Variants in TRAFD1 observed in about 807,000 individuals in gnomAD.
TRAFD1 encodes the protein TRAF-type zinc finger domain-containing protein 1.
In TRAFD1, 38 loss-of-function variants were observed where a neutral mutation model predicts 65.3. That is an observed-to-expected ratio of 0.58 (90% confidence interval 0.45 to 0.76). The LOEUF is 0.76. TRAFD1 is among the 30% of genes least tolerant of loss of function. TRAFD1 has a pLI of 0.00. For missense variants in TRAFD1, 631 were observed against 712.6 expected, an observed-to-expected ratio of 0.89 and a Z score of 1.30; for synonymous variants, 223 against 257.2, an observed-to-expected ratio of 0.87 and a Z score of 1.27.
chr12:112,140,675 ATAAT>A (rs1399733856), intron 4 of TRAFD1, 140 bp from the exon 5 acceptor site: 1 of 999,616 alleles, frequency 1.0e-6, no homozygotes, highest in African/African-American at 1.6e-5. Flanking sequence ...TGACTCTTAA[ATAAT>A]TAAATACATT....
chr12:112,145,695 G>T, intron 7 of TRAFD1, 33 bp downstream of exon 7: 1 of 1,600,414 alleles, frequency 6.2e-7, no homozygotes, highest in South Asian at 1.1e-5. Context: ...ACTTTTAGTA[G>T]GATTGTATGC....
chr12:112,141,355 C>A, intron 5 of TRAFD1, 131 bp downstream of exon 5: 3 of 1,014,510 alleles, frequency 3.0e-6, no homozygotes, highest in Non-Finnish European at 2.8e-6. Context: ...GGGAAGAATA[C>A]CTCTCTTTCC....
chr12:112,150,814 C>T (rs116438910), intron 9 of TRAFD1, among the ~76,000 whole-genome samples: 2,200 of 152,096 alleles, frequency 0.014, 57 homozygotes, highest in African/African-American at 0.051. Flanking sequence ...CCTCCCAGCT[C>T]GGCCTCCCAA....
At chr12:112,133,255 A>G (rs2079575064) in intron 2 of TRAFD1, 1 of 152,180 alleles carries the variant, frequency 6.6e-6, no homozygotes, top group South Asian at 2.1e-4. Context: ...TTTACAGTGA[A>G]GTTTCTACCA....
intron 4 of TRAFD1, among the ~76,000 whole-genome samples, chr12:112,138,008 A>G (rs1206863589): frequency 6.6e-6 from 1 of 152,182 alleles, no homozygotes; most frequent in Non-Finnish European, 1.5e-5. Flanking sequence ...TGGGAGGCCA[A>G]GGCGAGAGCA....
rs2079561427 is a variant in TRAFD1, at chr12:112,130,321, C to T, written c.-12-190C>T. The T allele has an allele frequency of 2.5e-6, 1 of 404,352 alleles. No individual in the cohort carries two copies. Among genetic ancestry groups the T allele is most frequent in the African/African-American group, 2.1e-5 (1 of 48,210 alleles). The allele number at this position is 404,352 out of a possible 1,614,324, so 25.0% of individuals were successfully genotyped here. ...TTTTTATTTTTTAAAACTCCCTTAT[C>T]CAATAAAATTATTTTAAATTGAAAA... On this transcript the variant is annotated intron_variant, in intron 1 of 11. Coordinates refer to ENST00000412615, the MANE Select transcript of TRAFD1 (RefSeq NM_006700.3). This position sits in a 1 kb window ranked among gnomAD's most constrained non-coding sequence, Gnocchi z 4.4.
chr12:112,134,750 T>C lies in TRAFD1; in HGVS notation c.60T>C (p.Ile20=). The change falls in exon 3 of 12, where the codon ATT becomes ATC. Residue 20 remains isoleucine, a synonymous_variant. Coordinates refer to ENST00000412615, the MANE Select transcript of TRAFD1 (RefSeq NM_006700.3). The part of the protein sequence containing the change: ...TRLCDNCKKE[I]PVFNFTIHEI... ...TCTATTTCCGTAGCAAAAAAGAAAT[T>C]CCTGTGTTTAACTTTACCATCCATG... 6.2e-7 allele frequency: 1 copy of C among 1,611,576 alleles called. No individual in the cohort carries two copies. Among genetic ancestry groups the C allele is most frequent in the South Asian group, 1.1e-5 (1 of 91,040 alleles).
chr12:112,129,954 T>G (rs1185497572), intron 1 of TRAFD1, among the ~76,000 whole-genome samples: 1 of 150,470 alleles, frequency 6.6e-6, no homozygotes, highest in African/African-American at 2.4e-5. Flanking sequence ...GATGTTATTA[T>G]TATTATTATT....
intron 1 of TRAFD1, among the ~76,000 whole-genome samples, chr12:112,129,897 C>CTCCCTAAG (rs2079558920): frequency 6.6e-6 from 1 of 152,032 alleles, no homozygotes; most frequent in Admixed American, 6.6e-5. Context: ...CTGCCTCGGC[C>CTCCCTAAG]TCCCTAAGTC....
intron 4 of TRAFD1, among the ~76,000 whole-genome samples, chr12:112,135,664 C>T (rs1339474566): frequency 2.0e-5 from 3 of 151,980 alleles, no homozygotes; most frequent in African/African-American, 4.8e-5. Flanking sequence ...TCTTCAGCCT[C>T]CCAAAGTGCT....
In TRAFD1 at chr12:112,148,442, T is replaced by G. The variant is rs972810738; in HGVS notation, c.1158+138T>G. ...ACACACTTGGCTTCTGGCCAAGTCA[T>G]CTTTGTGAGCTGTCTGTGGTAACCA... On this transcript the variant is annotated intron_variant, in intron 8 of 11. Transcript: ENST00000412615. The G allele has an allele frequency of 5.6e-6, 4 of 718,074 alleles. No homozygotes were observed. In the African/African-American group the frequency reaches 7.1e-5, roughly 13 times the overall value. The allele number at this position is 718,074 out of a possible 1,614,324, so 44.5% of individuals were successfully genotyped here.
At position 112,136,003 on chromosome 12, in the gene TRAFD1, G is replaced by A. The variant is rs534521161; in HGVS notation, c.237+937G>A. On this transcript the variant is annotated intron_variant, in intron 4 of 11. Coordinates refer to ENST00000412615, the MANE Select transcript of TRAFD1 (RefSeq NM_006700.3). Reference sequence around the variant, plus strand: ...TTAAAAATACAACAATTAGCTGGGCGTGGAGGTGTGTGCTACTTGGGAGGC... The same window carrying A: ...TTAAAAATACAACAATTAGCTGGGCATGGAGGTGTGTGCTACTTGGGAGGC... Among the ~76,000 whole-genome samples the A allele has an allele frequency of 2.3e-4, 35 of 151,248 alleles. 1 individual carries two copies. In the East Asian group the frequency reaches 6.0e-3, roughly 26 times the overall value.
At position 112,148,291 on chromosome 12, in the gene TRAFD1, T is replaced by G; in HGVS notation, c.1145T>G (p.Leu382Arg). The change falls in exon 8 of 12, where the codon CTG (leucine) becomes CGG (arginine). Residue 382 changes from leucine to arginine, a missense_variant. Coordinates refer to ENST00000412615, the MANE Select transcript of TRAFD1 (RefSeq NM_006700.3). ...FCGVQLEEEV[L>R]FHHQDQCDQR... ...GGGGTACAGCTGGAAGAGGAGGTGC[T>G]GTTCCATCACCAGGTAAGGGTCCCT... is the stretch of plus-strand genomic sequence containing the variant. 1 of 1,614,118 alleles carries G rather than the reference T, an allele frequency of 6.2e-7. No homozygotes were observed. The highest frequency in any genetic ancestry group is 8.5e-7 in the Non-Finnish European group (1 of 1,179,978).
Position 112,141,169 on chromosome 12 carries a change from T to C in TRAFD1, c.588T>C (p.Asn196=), listed in dbSNP as rs748857029. The C allele has an allele frequency of 4.3e-6, 7 of 1,614,120 alleles. No homozygotes were observed. Among genetic ancestry groups the C allele is most frequent in the South Asian group, 1.1e-5 (1 of 91,088 alleles). ...CCTTTGAATCAGATGTTTTCCACAA[T>C]AGAACTACCAACCAAAGGAACATTA... ...LRAFESDVFH[N]RTTNQRNITA... Residue 196 remains asparagine, a synonymous_variant, in exon 5 of 12, where the codon AAT becomes AAC. Transcript: ENST00000412615.
At chr12:112,142,959 C>A (rs1346346973) in intron 6 of TRAFD1, among the ~76,000 whole-genome samples, 11 of 151,426 alleles carry the variant, frequency 7.3e-5, no homozygotes, top group African/African-American at 2.4e-4. Context: ...CTCTTGTTGC[C>A]CAGGTTGGAG....
chr12:112,149,612 T>C, intron 8 of TRAFD1, 139 bp from the exon 9 acceptor site: 1 of 1,118,614 alleles, frequency 8.9e-7, no homozygotes, highest in Non-Finnish European at 1.3e-6. Context: ...AGATGTGTGG[T>C]TTCTGAAAGT....
At position 112,142,072 on chromosome 12, in the gene TRAFD1, T is replaced by C. The variant is rs2030102512; in HGVS notation, c.644-17T>C. On this transcript the variant is annotated splice_polypyrimidine_tract_variant and intron_variant, in intron 5 of 11. Coordinates refer to ENST00000412615, the MANE Select transcript of TRAFD1 (RefSeq NM_006700.3). Reference sequence around the variant, plus strand: ...TTTCTAATGTATCCTGAATGTTGGTTGGTTTTTTTTTTTCAGTTGAAGAAC... The same window carrying C: ...TTTCTAATGTATCCTGAATGTTGGTCGGTTTTTTTTTTTCAGTTGAAGAAC... 6.2e-7 allele frequency: 1 copy of C among 1,608,964 alleles called. No homozygotes were observed. Among genetic ancestry groups the C allele is most frequent in the African/African-American group, 1.3e-5 (1 of 74,614 alleles).
chr12:112,152,248 G>A lies in TRAFD1; in HGVS notation c.1619+108G>A. 2 of 1,415,158 alleles carry A rather than the reference G, an allele frequency of 1.4e-6. No homozygotes were observed. The highest frequency in any genetic ancestry group is 1.9e-6 in the Non-Finnish European group (2 of 1,040,584). The allele number at this position is 1,415,158 out of a possible 1,614,324, so 87.7% of individuals were successfully genotyped here. A position where few individuals can be genotyped will look rare whatever the true frequency, so the allele number is the denominator to read the frequency against. On this transcript the variant is annotated intron_variant, in intron 10 of 11. Transcript: ENST00000412615. This position sits in a 1 kb window ranked among gnomAD's most constrained non-coding sequence, Gnocchi z 5.0. ...GGGGTAAGACTGAGGTACTTGCATG[G>A]TAAGGGGAGGAGTATGGATTTTCCC...
intron 4 of TRAFD1, among the ~76,000 whole-genome samples, chr12:112,135,390 C>T (rs544163909): frequency 6.6e-6 from 1 of 152,330 alleles, no homozygotes; most frequent in African/African-American, 2.4e-5. Flanking sequence ...ACCTCTTTAG[C>T]ACACAGCCTG....
Sources: allele counts gnomAD v4.1 joint callset (sites outside exome capture counted in the v4.1 genomes callset), GRCh38; gene constraint gnomAD v4.1.1; non-coding constraint Gnocchi (gnomAD v3.1); transcripts MANE v1.5; gene names NCBI Gene and HGNC (gene_info 2026-07-23, HGNC 2026-07-21).